COMMD1: variants seen among roughly 807,000 people sequenced by gnomAD.
COMMD1 encodes COMM domain-containing protein 1.
Under a neutral mutation model 17.2 loss-of-function variants are expected in COMMD1, and 10 were observed. The observed-to-expected ratio is 0.58, with a 90% CI of 0.36 to 0.99. The LOEUF is 0.99. COMMD1 is among the 50% of genes least tolerant of loss of function. COMMD1 has a pLI of 0.01. For synonymous variants in COMMD1, 97 were observed against 91.6 expected (o/e 1.06, Z -0.34); for missense variants, 270 against 231.8 (o/e 1.17, Z -1.07).
At chr2:61,897,666 G>C (rs1482393081) in intron 1 of COMMD1, among the ~76,000 whole-genome samples, 2 of 152,142 alleles carry the variant, frequency 1.3e-5, no homozygotes, top group South Asian at 4.2e-4. Context: ...GGAGAATCGC[G>C]TGAACCCAGG....
chr2:61,953,904 AAAT>A (rs1464539318), intron 1 of COMMD1, among the ~76,000 whole-genome samples: 20 of 152,090 alleles, frequency 1.3e-4, no homozygotes, highest in African/African-American at 4.6e-4. Context: ...TAGCAACCTG[AAAT>A]AATCAAAATC....
intron 1 of COMMD1, among the ~76,000 whole-genome samples, chr2:61,972,285 CTAT>C (rs1278092917): frequency 6.6e-6 from 1 of 152,164 alleles, no homozygotes; most frequent in Non-Finnish European, 1.5e-5. Context: ...TATACTGCTG[CTAT>C]TATTTTTCTT....
upstream of COMMD1, chr2:61,905,662 C>CG (rs756120988): frequency 3.3e-5 from 51 of 1,531,680 alleles, no homozygotes; most frequent in Non-Finnish European, 4.3e-5. Context: ...TGTTGCGGGG[C>CG]GGGGCCTTCG....
chr2:61,956,413 T>A (rs900684066), intron 1 of COMMD1, among the ~76,000 whole-genome samples: 6 of 145,730 alleles, frequency 4.1e-5, no homozygotes, highest in East Asian at 2.0e-4. Flanking sequence ...CCTTGTAAAA[T>A]TTTTTTTTTT....
At chr2:61,999,403 A>G (rs1369586074) in intron 1 of COMMD1, among the ~76,000 whole-genome samples, 1 of 152,338 alleles carries the variant, frequency 6.6e-6, no homozygotes, top group South Asian at 2.1e-4. Flanking sequence ...ATTATTGTGA[A>G]TGAGCTGTTT....
At chr2:61,998,119 A>T (rs1490269729) in intron 1 of COMMD1, among the ~76,000 whole-genome samples, 2 of 152,124 alleles carry the variant, frequency 1.3e-5, no homozygotes, top group Non-Finnish European at 2.9e-5. Context: ...CAACCTACAT[A>T]TAATTAAAGA....
intron 2 of COMMD1, among the ~76,000 whole-genome samples, chr2:62,134,027 C>T (rs1003825240): frequency 6.6e-6 from 1 of 152,070 alleles, no homozygotes; most frequent in East Asian, 1.9e-4. Flanking sequence ...GTATTGAACT[C>T]CTGGCTTCAA....
intron 2 of COMMD1, among the ~76,000 whole-genome samples, chr2:62,043,719 A>G (rs1670300151): frequency 6.6e-6 from 1 of 152,236 alleles, no homozygotes; most frequent in Non-Finnish European, 1.5e-5. Flanking sequence ...AATGATGAAT[A>G]TGAAGAAAGT....
intron 2 of COMMD1, among the ~76,000 whole-genome samples, chr2:62,003,994 G>C (rs1001571326): frequency 2.6e-5 from 4 of 152,034 alleles, no homozygotes; most frequent in Non-Finnish European, 4.4e-5. Context: ...CGTGTGTGGT[G>C]GTGTGTGTCT....
intron 1 of COMMD1, among the ~76,000 whole-genome samples, chr2:61,920,518 A>G (rs554334480): frequency 6.6e-6 from 1 of 152,036 alleles, no homozygotes; most frequent in Non-Finnish European, 1.5e-5. Flanking sequence ...TTCTTTCCCC[A>G]TGAAGTTAAA....
At chr2:62,134,169 C>T (rs566767078) in intron 2 of COMMD1, among the ~76,000 whole-genome samples, 83 of 152,218 alleles carry the variant, frequency 5.5e-4, no homozygotes, top group African/African-American at 1.9e-3. Flanking sequence ...ACTTATTTTT[C>T]CATCTGTTGA....
chr2:62,003,355 C>T (rs1357515874), intron 2 of COMMD1, among the ~76,000 whole-genome samples: 1 of 151,534 alleles, frequency 6.6e-6, no homozygotes, highest in Non-Finnish European at 1.5e-5. Flanking sequence ...TCCTGGCTAA[C>T]ACAGTGAAAC....
chr2:62,029,270 C>G (rs763072613), intron 2 of COMMD1, among the ~76,000 whole-genome samples: 4 of 152,070 alleles, frequency 2.6e-5, no homozygotes, highest in Non-Finnish European at 5.9e-5. Flanking sequence ...CCCAAGAATA[C>G]AACAGGATAT....
At chr2:62,041,070 A>G (rs891326191) in intron 2 of COMMD1, among the ~76,000 whole-genome samples, 1 of 152,164 alleles carries the variant, frequency 6.6e-6, no homozygotes, top group Non-Finnish European at 1.5e-5. Context: ...CCCCCAGAAC[A>G]TTACGAGGAT....
intron 2 of COMMD1, among the ~76,000 whole-genome samples, chr2:62,052,027 T>G (rs1670550698): frequency 6.6e-6 from 1 of 152,230 alleles, no homozygotes; most frequent in African/African-American, 2.4e-5. Context: ...TTCAGTCTTC[T>G]TCAATGAGAT....
At chr2:61,890,355 G>C (rs1268381489) in intron 1 of COMMD1, among the ~76,000 whole-genome samples, 1 of 152,118 alleles carries the variant, frequency 6.6e-6, no homozygotes, top group Non-Finnish European at 1.5e-5. Flanking sequence ...CAGTAGCTGG[G>C]ATTACGGGCA....
chr2:62,108,998 C>G (rs1672385577), intron 2 of COMMD1, among the ~76,000 whole-genome samples: 1 of 152,204 alleles, frequency 6.6e-6, no homozygotes, highest in African/African-American at 2.4e-5. Context: ...ACTCCTTACT[C>G]TCCCCATATT....
intron 1 of COMMD1, among the ~76,000 whole-genome samples, chr2:61,952,129 C>T (rs7607266): frequency 0.25 from 37,992 of 152,098 alleles, 5,521 homozygotes; most frequent in East Asian, 0.38. Context: ...TATCTTTGCT[C>T]ATTCCTGGGT....
intron 2 of COMMD1, among the ~76,000 whole-genome samples, chr2:62,072,828 C>T (rs1671235857): frequency 6.6e-6 from 1 of 152,240 alleles, no homozygotes. Context: ...ATGCCTGTGC[C>T]AGAGTCTGGA....
Sources: gnomAD v4.1 joint callset for allele counts (sites outside exome capture counted in the v4.1 genomes callset) on GRCh38, gnomAD v4.1.1 for gene constraint, MANE v1.5 for transcripts, NCBI Gene and HGNC (gene_info 2026-07-23, HGNC 2026-07-21) for gene names.